Variants in SPMIP7 observed in about 807,000 individuals in gnomAD.
The protein encoded by SPMIP7 is protein SPMIP7.
At chr7:50,140,283 A>T in the SPMIP7 span, 2 of 614,990 alleles carry the variant, frequency 3.3e-6, no homozygotes, top group Non-Finnish European at 5.3e-6. Flanking sequence ...AAGACAACTT[A>T]TATATTGTAA....
the SPMIP7 span, among the ~76,000 whole-genome samples, chr7:50,109,398 A>T: frequency 6.6e-6 from 1 of 151,092 alleles, no homozygotes; most frequent in Non-Finnish European, 1.5e-5. Flanking sequence ...TTTATTTAAG[A>T]CAGAGTCTTG....
chr7:50,155,690 C>T, the SPMIP7 span, among the ~76,000 whole-genome samples: 4 of 152,074 alleles, frequency 2.6e-5, no homozygotes, highest in Non-Finnish European at 5.9e-5. Flanking sequence ...AAAACTGTCC[C>T]CTACTGTTAC....
the SPMIP7 span, among the ~76,000 whole-genome samples, chr7:50,133,448 T>C: frequency 6.6e-6 from 1 of 152,142 alleles, no homozygotes; most frequent in Non-Finnish European, 1.5e-5. Flanking sequence ...TTCTAAGCCA[T>C]AGTTGATTTG....
the SPMIP7 span, among the ~76,000 whole-genome samples, chr7:50,117,628 T>G: frequency 6.6e-6 from 1 of 152,216 alleles, no homozygotes; most frequent in Admixed American, 6.5e-5. Flanking sequence ...CATGTTCATA[T>G]GTGAGATAAT....
chr7:50,110,083 T>C, the SPMIP7 span, among the ~76,000 whole-genome samples: 3 of 152,130 alleles, frequency 2.0e-5, no homozygotes, highest in Non-Finnish European at 2.9e-5. Flanking sequence ...TTTGAATATT[T>C]TGTAATTCCA....
At chr7:50,157,324 A>T in the SPMIP7 span, among the ~76,000 whole-genome samples, 7 of 152,160 alleles carry the variant, frequency 4.6e-5, no homozygotes. Context: ...AGTAGATGGG[A>T]TGTGTTAGAG....
At chr7:50,137,247 C>T in the SPMIP7 span, among the ~76,000 whole-genome samples, 1 of 151,920 alleles carries the variant, frequency 6.6e-6, no homozygotes, top group East Asian at 1.9e-4. Context: ...CACAAAGTAA[C>T]TATATAATAC....
the SPMIP7 span, among the ~76,000 whole-genome samples, chr7:50,143,258 G>A: frequency 4.7e-5 from 7 of 149,844 alleles, no homozygotes; most frequent in South Asian, 2.1e-4. Flanking sequence ...TCTGCCTCCC[G>A]GGTTCAAGTG....
At chr7:50,148,686 C>A in the SPMIP7 span, among the ~76,000 whole-genome samples, 1 of 152,180 alleles carries the variant, frequency 6.6e-6, no homozygotes, top group South Asian at 2.1e-4. Flanking sequence ...TCCTGCAGGG[C>A]ACTGCCTAGA....
chr7:50,110,951 ATATT>A, the SPMIP7 span, among the ~76,000 whole-genome samples: 2 of 141,076 alleles, frequency 1.4e-5, no homozygotes, highest in African/African-American at 5.2e-5. Context: ...ATATAAATAT[ATATT>A]TATAATATGT....
the SPMIP7 span, among the ~76,000 whole-genome samples, chr7:50,135,612 A>G: frequency 6.6e-6 from 1 of 152,216 alleles, no homozygotes. Context: ...ACTACTTTAA[A>G]ATATTTTTAT....
At chr7:50,096,105 A>G in the SPMIP7 span, 3 of 1,491,628 alleles carry the variant, frequency 2.0e-6, no homozygotes, top group Admixed American at 2.5e-5. Context: ...GAAATTCAGG[A>G]CACACCTGGA....
At chr7:50,123,636 G>T in the SPMIP7 span, among the ~76,000 whole-genome samples, 1 of 150,978 alleles carries the variant, frequency 6.6e-6, no homozygotes, top group Non-Finnish European at 1.5e-5. Flanking sequence ...ATGTGAAGTG[G>T]TATGTTAACT....
At chr7:50,125,175 T>C in the SPMIP7 span, among the ~76,000 whole-genome samples, 46 of 20,998 alleles carry the variant, frequency 2.2e-3, 10 homozygotes, top group Middle Eastern at 0.032. Context: ...TATATACACA[T>C]ATATATACAC....
the SPMIP7 span, among the ~76,000 whole-genome samples, chr7:50,111,736 T>C: frequency 3.9e-5 from 6 of 152,202 alleles, no homozygotes; most frequent in Non-Finnish European, 7.3e-5. Flanking sequence ...TCTACTTAAA[T>C]AATTTGTTTC....
At chr7:50,125,777 A>G in the SPMIP7 span, among the ~76,000 whole-genome samples, 35 of 152,218 alleles carry the variant, frequency 2.3e-4, no homozygotes, top group Non-Finnish European at 5.9e-5. Context: ...TTAAAAAGTC[A>G]AGCTTATAGA....
the SPMIP7 span, among the ~76,000 whole-genome samples, chr7:50,100,159 G>T: frequency 6.6e-6 from 1 of 152,192 alleles, no homozygotes; most frequent in Non-Finnish European, 1.5e-5. Flanking sequence ...CAAGACAGAA[G>T]CCAGTCCTCT....
At chr7:50,157,289 G>A in the SPMIP7 span, among the ~76,000 whole-genome samples, 1 of 152,150 alleles carries the variant, frequency 6.6e-6, no homozygotes, top group Non-Finnish European at 1.5e-5. Context: ...TGAGAGGAAG[G>A]GACAGTTCAA....
the SPMIP7 span, among the ~76,000 whole-genome samples, chr7:50,145,616 GTGTATA>G: frequency 2.8e-3 from 76 of 26,946 alleles, 1 homozygote; most frequent in African/African-American, 0.01. Context: ...GTATATGTGT[GTGTATA>G]TATATATATA....
Sources: allele counts gnomAD v4.1 joint callset (sites outside exome capture counted in the v4.1 genomes callset), GRCh38; gene constraint gnomAD v4.1.1; transcripts MANE v1.5; gene names NCBI Gene and HGNC (gene_info 2026-07-23, HGNC 2026-07-21).